The following VSTM5 variants were observed in gnomAD, a reference collection of about 807,000 sequenced individuals.
VSTM5 encodes the protein V-set and transmembrane domain-containing protein 5.
VSTM5 carries 21 observed loss-of-function variants against 20.3 expected under a neutral mutation model. The observed-to-expected ratio is 1.03, with a 90% CI of 0.73 to 1.49. VSTM5 has a LOEUF of 1.49. Ranked by LOEUF, VSTM5 falls within the 40% of genes most tolerant of loss-of-function variation. VSTM5 has a pLI of 0.00. For synonymous variants in VSTM5, 100 were observed against 102.5 expected (o/e 0.98, Z 0.14); for missense variants, 219 against 250.0 (o/e 0.88, Z 0.84).
intron 1 of VSTM5, among the ~76,000 whole-genome samples, chr11:93,849,312 C>CA (rs1944438819): frequency 6.6e-6 from 1 of 152,144 alleles, no homozygotes; most frequent in African/African-American, 2.4e-5. Flanking sequence ...CACAGGCCAC[C>CA]ACACCCAGCT....
chr11:93,830,044 C>G (rs553584381), intron 1 of VSTM5, among the ~76,000 whole-genome samples: 1 of 152,066 alleles, frequency 6.6e-6, no homozygotes, highest in Non-Finnish European at 1.5e-5. Context: ...AAAACTAGGA[C>G]GACCCAGGAA....
chr11:93,850,277 CCGAG>C (rs1478328434), intron 1 of VSTM5, 131 bp downstream of exon 1: 1 of 654,128 alleles, frequency 1.5e-6, no homozygotes, highest in Non-Finnish European at 2.4e-6. Flanking sequence ...TGCCTGCCAG[CCGAG>C]CTCACCGCGC....
chr11:93,825,698 A>G (rs1401063184), intron 1 of VSTM5, among the ~76,000 whole-genome samples: 8 of 150,254 alleles, frequency 5.3e-5, no homozygotes, highest in Admixed American at 5.3e-4. Flanking sequence ...TAAATATTTT[A>G]TTATTTTTGA....
intron 1 of VSTM5, among the ~76,000 whole-genome samples, chr11:93,826,974 T>C (rs1009638032): frequency 6.6e-6 from 1 of 152,206 alleles, no homozygotes; most frequent in African/African-American, 2.4e-5. Flanking sequence ...CTTGAATTTG[T>C]TAAGCCTTGA....
chr11:93,821,500 G>C (rs1204424771), intron 1 of VSTM5, 177 bp from the exon 2 acceptor site: 4 of 635,700 alleles, frequency 6.3e-6, no homozygotes, highest in Non-Finnish European at 1.1e-5. Context: ...GCTCCCTGGA[G>C]ATAGAGCTCT....
intron 1 of VSTM5, among the ~76,000 whole-genome samples, chr11:93,833,912 A>G (rs61906577): frequency 0.017 from 2,506 of 151,298 alleles, 35 homozygotes; most frequent in South Asian, 0.034. Flanking sequence ...TTACTGTTCA[A>G]TTCCTCCCCT....
chr11:93,845,031 T>C (rs656966), intron 1 of VSTM5, among the ~76,000 whole-genome samples: 118,233 of 123,376 alleles, frequency 0.96, 57,099 homozygotes, highest in Non-Finnish European at 1. Flanking sequence ...TTGGGTGTTC[T>C]GAGAACAGCA....
intron 1 of VSTM5, among the ~76,000 whole-genome samples, chr11:93,835,764 A>C (rs767762882): frequency 2.0e-5 from 3 of 152,218 alleles, no homozygotes; most frequent in Non-Finnish European, 4.4e-5. Flanking sequence ...TTAAATGCAC[A>C]CAGAATTGAG....
intron 1 of VSTM5, among the ~76,000 whole-genome samples, chr11:93,837,012 C>CACAT (rs1491204532): frequency 1.8e-3 from 1 of 554 alleles, no homozygotes; most frequent in Non-Finnish European, 0.026. Context: ...AAAAAAAATG[C>CACAT]ACACACACAC....
At chr11:93,848,677 G>A (rs1944432926) in intron 1 of VSTM5, among the ~76,000 whole-genome samples, 1 of 152,150 alleles carries the variant, frequency 6.6e-6, no homozygotes, top group Non-Finnish European at 1.5e-5. Context: ...TGCCCCTCTT[G>A]TTTGCATGTC....
At chr11:93,844,717 C>G (rs955954153) in intron 1 of VSTM5, among the ~76,000 whole-genome samples, 1 of 152,206 alleles carries the variant, frequency 6.6e-6, no homozygotes, top group Non-Finnish European at 1.5e-5. Flanking sequence ...ATCAAGGCCT[C>G]TTCTTCAAGA....
chr11:93,850,422 G>A lies in VSTM5; in HGVS notation c.81C>T (p.Arg27=). Residue 27 remains arginine, a synonymous_variant, in exon 1 of 4, where the codon CGC becomes CGT. Coordinates refer to ENST00000409977, the MANE Select transcript of VSTM5 (RefSeq NM_001144871.2). ...TCCCCCGGAGCTTACTCTGCAGACA[G>A]CGGGCTGCGGCCAGGCAGAGGGCGA... ...GLFALCLAAA[R]CLQSQGVSLY... is the part of the protein sequence containing the mutation. The A allele has an allele frequency of 6.5e-7, 1 of 1,548,656 alleles. No homozygotes were observed. Among genetic ancestry groups the A allele is most frequent in the Non-Finnish European group, 8.7e-7 (1 of 1,145,966 alleles).
intron 1 of VSTM5, among the ~76,000 whole-genome samples, chr11:93,836,393 A>T (rs1314587433): frequency 6.6e-6 from 1 of 152,204 alleles, no homozygotes; most frequent in African/African-American, 2.4e-5. Context: ...CAAAGGCTTG[A>T]CTGGCCAGGT....
At chr11:93,834,157 G>C (rs1944304369) in intron 1 of VSTM5, among the ~76,000 whole-genome samples, 1 of 152,170 alleles carries the variant, frequency 6.6e-6, no homozygotes, top group South Asian at 2.1e-4. Flanking sequence ...AACCCTGCAA[G>C]AGAATGTCAC....
At chr11:93,833,599 T>C (rs565729350) in intron 1 of VSTM5, among the ~76,000 whole-genome samples, 1 of 152,180 alleles carries the variant, frequency 6.6e-6, no homozygotes, top group Non-Finnish European at 1.5e-5. Flanking sequence ...GTGGCTTGCA[T>C]GTGAGCCTTG....
intron 1 of VSTM5, chr11:93,822,088 T>G (rs1944191705): frequency 6.6e-6 from 1 of 152,188 alleles, no homozygotes; most frequent in South Asian, 2.1e-4. Context: ...TCTTTTATTT[T>G]ATTTATTTTT....
intron 1 of VSTM5, among the ~76,000 whole-genome samples, chr11:93,847,325 G>A (rs1254352092): frequency 6.6e-6 from 1 of 152,042 alleles, no homozygotes; most frequent in East Asian, 1.9e-4. Flanking sequence ...TCTCGTGAAG[G>A]GCCTTGAGAG....
chr11:93,842,127 G>A (rs919316395), intron 1 of VSTM5, among the ~76,000 whole-genome samples: 2 of 152,224 alleles, frequency 1.3e-5, no homozygotes, highest in Non-Finnish European at 2.9e-5. Flanking sequence ...CTTGGTGATA[G>A]CTCAATAAAT....
chr11:93,848,410 T>C (rs542302388), intron 1 of VSTM5, among the ~76,000 whole-genome samples: 43 of 152,356 alleles, frequency 2.8e-4, no homozygotes, highest in African/African-American at 9.6e-4. Flanking sequence ...CTTGCCCTCC[T>C]GGAGCTTACT....
Sources: gnomAD v4.1 joint callset for allele counts (sites outside exome capture counted in the v4.1 genomes callset) on GRCh38, gnomAD v4.1.1 for gene constraint, MANE v1.5 for transcripts, NCBI Gene and HGNC (gene_info 2026-07-23, HGNC 2026-07-21) for gene names.